Variants in LAMC1 observed in about 807,000 individuals in gnomAD.
The protein encoded by LAMC1 is laminin subunit gamma-1.
In LAMC1, 38 loss-of-function variants were observed where a neutral mutation model predicts 173.6. The ratio of observed to expected loss-of-function variants is 0.22; its 90% confidence interval spans 0.17 to 0.29. The LOEUF is 0.29. Among genes scored for constraint, LAMC1 ranks in the 10% least tolerant of loss-of-function variants. LAMC1 has a pLI of 1.00. For synonymous variants in LAMC1, 746 were observed against 749.1 expected (o/e 1.00, Z 0.07); for missense variants, 1,824 against 2,051.8 (o/e 0.89, Z 2.14).
At chr1:183,039,084 A>G (rs533041978) in intron 1 of LAMC1, among the ~76,000 whole-genome samples, 7 of 152,286 alleles carry the variant, frequency 4.6e-5, no homozygotes, top group Admixed American at 1.3e-4. Context: ...GTTCCCATCC[A>G]TCATACCCCT....
intron 1 of LAMC1, among the ~76,000 whole-genome samples, chr1:183,032,370 T>TA (rs1653869357): frequency 6.6e-6 from 1 of 152,258 alleles, no homozygotes; most frequent in Non-Finnish European, 1.5e-5. Context: ...TCCCTTCTTT[T>TA]ACTCTTTGTT....
intron 1 of LAMC1, among the ~76,000 whole-genome samples, chr1:183,087,018 CT>C (rs1156402065): frequency 6.6e-6 from 1 of 152,160 alleles, no homozygotes; most frequent in Non-Finnish European, 1.5e-5. Context: ...TTATTTTACA[CT>C]TAAGAAAATT....
intron 1 of LAMC1, among the ~76,000 whole-genome samples, chr1:183,048,434 C>G (rs1438896671): frequency 6.6e-6 from 1 of 152,208 alleles, no homozygotes; most frequent in Non-Finnish European, 1.5e-5. Flanking sequence ...CCACCTATAG[C>G]TCTATCCTTT....
intron 1 of LAMC1, among the ~76,000 whole-genome samples, chr1:183,055,840 G>A (rs1000610635): frequency 6.6e-6 from 1 of 151,952 alleles, no homozygotes; most frequent in Non-Finnish European, 1.5e-5. Context: ...AGAAATAAAG[G>A]CATTAATAGT....
rs950634155 is a variant in LAMC1 at position 183,023,640 on chromosome 1, C to T, written c.-77C>T. ...CCCCAGGCTCAAGCAGCGAAGCGGC[C>T]TCCGGGGGACGCCGCTAGGCGAGAG... On this transcript the variant is annotated 5_prime_UTR_variant, in exon 1 of 28. Transcript: ENST00000258341. The T allele has an allele frequency of 8.3e-6, 9 of 1,083,828 alleles. No individual in the cohort carries two copies. The African/African-American group carries it at 1.3e-4, about 16-fold the overall frequency. The allele number at this position is 1,083,828 out of a possible 1,614,324, so 67.1% of individuals were successfully genotyped here.
intron 18 of LAMC1, 27 bp downstream of exon 18, chr1:183,128,777 T>C: frequency 6.5e-7 from 1 of 1,532,956 alleles, no homozygotes. Flanking sequence ...AGTGCATGAC[T>C]TCTGTGAGAT....
At position 183,122,211 on chromosome 1, in the gene LAMC1, A is replaced by G. The variant is rs766459025; in HGVS notation, c.2361A>G (p.Thr787=). ...CAAGTTGTGCTGTTGTTCCCAAGAC[A>G]AAGGAGGTGGTGTGCACCAACTGTC... ...GGSSCAVVPK[T]KEVVCTNCPT... is the part of the protein sequence containing the mutation. Residue 787 remains threonine, a synonymous_variant, in exon 13 of 28, where the codon ACA becomes ACG. Coordinates refer to ENST00000258341, the MANE Select transcript of LAMC1 (RefSeq NM_002293.4). The G allele has an allele frequency of 1.2e-6, 2 of 1,614,182 alleles. No homozygotes were observed. The highest frequency in any genetic ancestry group is 2.2e-5 in the East Asian group (1 of 44,876).
At chr1:183,035,464 G>C (rs564618146) in intron 1 of LAMC1, among the ~76,000 whole-genome samples, 2 of 152,196 alleles carry the variant, frequency 1.3e-5, no homozygotes, top group South Asian at 4.1e-4. Context: ...TGGGGTTACA[G>C]GTGTAAGCCA....
intron 1 of LAMC1, among the ~76,000 whole-genome samples, chr1:183,073,100 CAG>C (rs1189489585): frequency 6.6e-6 from 1 of 152,182 alleles, no homozygotes; most frequent in African/African-American, 2.4e-5. Context: ...GATTAAAGGA[CAG>C]AGTCAGCTGG....
At chr1:183,141,885 C>T (rs1332591233) in intron 27 of LAMC1, among the ~76,000 whole-genome samples, 1 of 152,182 alleles carries the variant, frequency 6.6e-6, no homozygotes, top group Admixed American at 6.5e-5. Flanking sequence ...TTAATCAAGT[C>T]AAGTATGCAT....
At chr1:183,082,606 C>T (rs932602194) in intron 1 of LAMC1, among the ~76,000 whole-genome samples, 1 of 152,106 alleles carries the variant, frequency 6.6e-6, no homozygotes, top group Admixed American at 6.5e-5. Flanking sequence ...ACAGCCCACC[C>T]AGATACTGTG....
At position 183,115,410 on chromosome 1, in the gene LAMC1, A is replaced by G. The variant is rs1656288451; in HGVS notation, c.1211-110A>G. On this transcript the variant is annotated intron_variant, in intron 5 of 27. Transcript: ENST00000258341. ...CTTTGTGACCATCAGGAGATTGCAT[A>G]CTGGTTCTCAGGCATTGCTTTTAAT... is the stretch of plus-strand genomic sequence containing the variant. 4.0e-6 allele frequency: 3 copies of G among 747,764 alleles called. No individual in the cohort carries two copies. In the Admixed American group the frequency reaches 6.2e-5, roughly 15 times the overall value. 46.3% of individuals were successfully genotyped at this position (747,764 alleles called of 1,614,324 possible).
At chr1:183,137,930 T>C (rs1014485082) in intron 26 of LAMC1, 103 bp downstream of exon 26, 1 of 1,037,760 alleles carries the variant, frequency 9.6e-7, no homozygotes, top group African/African-American at 1.7e-5. Flanking sequence ...TTGACTTCTG[T>C]TTTTCATCAC....
intron 6 of LAMC1, among the ~76,000 whole-genome samples, chr1:183,115,943 A>T (rs912198353): frequency 6.6e-6 from 1 of 152,112 alleles, no homozygotes; most frequent in East Asian, 1.9e-4. Flanking sequence ...GATCAAGACC[A>T]TGGTGAAACC....
At chr1:183,114,789 TTTCCAAGGCATTTGGACAA>T in intron 5 of LAMC1, 70 bp downstream of exon 5, 8 of 1,475,938 alleles carry the variant, frequency 5.4e-6, no homozygotes, top group Non-Finnish European at 7.5e-6. Context: ...GAAAGCTTTG[TTTCCAAGGCATTTGGACAA>T]CTAAATGTGG....
intron 6 of LAMC1, among the ~76,000 whole-genome samples, chr1:183,115,956 G>A (rs914474837): frequency 7.2e-5 from 11 of 151,952 alleles, no homozygotes; most frequent in Non-Finnish European, 1.3e-4. Flanking sequence ...GTGAAACCCC[G>A]TCTATACTAA....
intron 27 of LAMC1, among the ~76,000 whole-genome samples, chr1:183,142,068 C>T (rs917775244): frequency 2.0e-5 from 3 of 152,192 alleles, no homozygotes; most frequent in African/African-American, 7.2e-5. Context: ...CTCCTGAAAG[C>T]AGAAAGTGAC....
chr1:183,113,208 G>A (rs1656213318), intron 4 of LAMC1, among the ~76,000 whole-genome samples: 1 of 152,064 alleles, frequency 6.6e-6, no homozygotes, highest in South Asian at 2.1e-4. Flanking sequence ...CAGCTACTTG[G>A]GAGGCTAAGG....
intron 1 of LAMC1, among the ~76,000 whole-genome samples, chr1:183,093,759 T>C (rs542005646): frequency 3.3e-4 from 50 of 152,318 alleles, no homozygotes; most frequent in African/African-American, 1.2e-3. Context: ...CATCCCCCCA[T>C]GGCTGCTTCA....
Sources: gnomAD v4.1 joint callset for allele counts (sites outside exome capture counted in the v4.1 genomes callset) on GRCh38, gnomAD v4.1.1 for gene constraint, MANE v1.5 for transcripts, NCBI Gene and HGNC (gene_info 2026-07-23, HGNC 2026-07-21) for gene names.